COL24A1: variants seen among roughly 807,000 people sequenced by gnomAD.
COL24A1 encodes collagen alpha-1(XXIV) chain.
Under a neutral mutation model 253.9 loss-of-function variants are expected in COL24A1, and 224 were observed. The observed-to-expected ratio is 0.88, with a 90% CI of 0.79 to 0.99. The LOEUF is 0.99. COL24A1 is among the 50% of genes least tolerant of loss of function. The pLI, the probability that COL24A1 is intolerant of heterozygous loss-of-function variation, is 0.00. For missense variants in COL24A1, 2,131 were observed against 2,068.5 expected, an observed-to-expected ratio of 1.03 and a Z score of -0.59; for synonymous variants, 685 against 673.7, an observed-to-expected ratio of 1.02 and a Z score of -0.26.
chr1:86,052,949 A>G (rs1245609989), intron 10 of COL24A1, among the ~76,000 whole-genome samples: 1 of 152,026 alleles, frequency 6.6e-6, no homozygotes, highest in Non-Finnish European at 1.5e-5. Context: ...CTTATGTTCC[A>G]CAGATTGTAT....
At chr1:85,913,821 G>C (rs1033026443) in intron 24 of COL24A1, among the ~76,000 whole-genome samples, 9 of 152,202 alleles carry the variant, frequency 5.9e-5, no homozygotes, top group African/African-American at 2.2e-4. Context: ...CTACTTACTA[G>C]TGACCCAAAT....
Position 85,784,184 on chromosome 1 carries a change from A to G in COL24A1, c.4168-18T>C, listed in dbSNP as rs1553175169. The G allele has an allele frequency of 4.3e-6, 7 of 1,613,260 alleles. No individual in the cohort carries two copies. The highest frequency in any genetic ancestry group is 1.1e-5 in the South Asian group (1 of 91,024). On this transcript the variant is annotated intron_variant, in intron 49 of 59. Coordinates refer to ENST00000370571, the MANE Select transcript of COL24A1 (RefSeq NM_152890.7). ...TATTCTCCCTGCAAAGTGAATTGAC[A>G]TGATAATAATTATTGTACAATGGCA...
intron 45 of COL24A1, among the ~76,000 whole-genome samples, chr1:85,823,252 C>T (rs1316218547): frequency 1.3e-5 from 2 of 151,984 alleles, no homozygotes; most frequent in Non-Finnish European, 2.9e-5. Context: ...TGTTTGAAAC[C>T]TCAAGAACAT....
intron 7 of COL24A1, among the ~76,000 whole-genome samples, chr1:86,088,304 G>A (rs1703223902): frequency 1.3e-5 from 2 of 152,104 alleles, no homozygotes; most frequent in Non-Finnish European, 2.9e-5. Context: ...AATAGGAAAG[G>A]AATATGGAAC....
At chr1:85,794,806 C>T (rs1229469983) in intron 47 of COL24A1, among the ~76,000 whole-genome samples, 1 of 152,032 alleles carries the variant, frequency 6.6e-6, no homozygotes, top group Non-Finnish European at 1.5e-5. Flanking sequence ...TGCCAAAAAT[C>T]AATGAACAGC....
At chr1:86,015,883 C>CTTTTTTTT (rs34005326) in intron 19 of COL24A1, among the ~76,000 whole-genome samples, 1 of 136,202 alleles carries the variant, frequency 7.3e-6, no homozygotes, top group South Asian at 2.4e-4. Context: ...TCTACTTTTT[C>CTTTTTTTT]TTTTTTTTTT....
At chr1:85,868,030 C>T (rs1679990933) in intron 37 of COL24A1, among the ~76,000 whole-genome samples, 1 of 152,124 alleles carries the variant, frequency 6.6e-6, no homozygotes, top group African/African-American at 2.4e-5. Context: ...CAGGCCTGGC[C>T]ATTACTCTTA....
intron 53 of COL24A1, among the ~76,000 whole-genome samples, chr1:85,768,372 A>G (rs557169447): frequency 6.6e-6 from 1 of 152,272 alleles, no homozygotes; most frequent in African/African-American, 2.4e-5. Flanking sequence ...TTCTTTAATA[A>G]TATCACTCTA....
At chr1:85,861,208 T>C (rs1374953893) in intron 37 of COL24A1, among the ~76,000 whole-genome samples, 1 of 152,214 alleles carries the variant, frequency 6.6e-6, no homozygotes, top group Non-Finnish European at 1.5e-5. Context: ...GGTTTTGATT[T>C]GCATTTTCCT....
chr1:85,872,683 T>C (rs1268225156), intron 35 of COL24A1, among the ~76,000 whole-genome samples: 1 of 152,090 alleles, frequency 6.6e-6, no homozygotes, highest in Non-Finnish European at 1.5e-5. Context: ...ATACAAAAAT[T>C]AATTCAAGAT....
chr1:85,870,924 A>C (rs1003770957), intron 35 of COL24A1, among the ~76,000 whole-genome samples: 5 of 152,188 alleles, frequency 3.3e-5, no homozygotes, highest in African/African-American at 1.2e-4. Flanking sequence ...TGTTTTGAAA[A>C]GATCAACAAA....
chr1:85,784,765 C>G (rs756229245), intron 48 of COL24A1, among the ~76,000 whole-genome samples: 1 of 152,014 alleles, frequency 6.6e-6, no homozygotes, highest in Non-Finnish European at 1.5e-5. Flanking sequence ...GGGTCTTGCT[C>G]TGTTGCCCAG....
intron 8 of COL24A1, among the ~76,000 whole-genome samples, chr1:86,059,964 T>C (rs540445551): frequency 2.0e-5 from 3 of 152,110 alleles, no homozygotes; most frequent in Non-Finnish European, 4.4e-5. Flanking sequence ...GCCTCCAGAA[T>C]TGCGAGAAAT....
intron 39 of COL24A1, 144 bp downstream of exon 39, chr1:85,847,521 C>T (rs1042370875): frequency 1.4e-5 from 8 of 565,444 alleles, no homozygotes; most frequent in Non-Finnish European, 2.5e-5. Context: ...GCTTACAATT[C>T]TCCACATCCC....
At chr1:85,990,261 C>A (rs1380876007) in intron 19 of COL24A1, among the ~76,000 whole-genome samples, 2 of 152,204 alleles carry the variant, frequency 1.3e-5, no homozygotes, top group African/African-American at 4.8e-5. Flanking sequence ...TGTCCATCCT[C>A]CAGATAAGCC....
chr1:86,125,764 A>G lies in COL24A1; in HGVS notation c.572T>C (p.Ile191Thr). The G allele has an allele frequency of 6.2e-7, 1 of 1,612,298 alleles. No individual in the cohort carries two copies. The highest frequency in any genetic ancestry group is 8.5e-7 in the Non-Finnish European group (1 of 1,179,362). The change falls in exon 3 of 60, where the codon ATT (isoleucine) becomes ACT (threonine). Residue 191 changes from isoleucine (I) to threonine (T), a missense_variant. Coordinates refer to ENST00000370571, the MANE Select transcript of COL24A1 (RefSeq NM_152890.7). ...AGAATCAAAGGTCTGAACTTCTGGA[A>G]TAGTCTCTGTGCTAAAATATTTCTT... ...CGKKYFSTET[I>T]PEVQTFDSNS...
chr1:85,821,741 T>C (rs1247600944), intron 45 of COL24A1, among the ~76,000 whole-genome samples: 1 of 152,204 alleles, frequency 6.6e-6, no homozygotes, highest in Non-Finnish European at 1.5e-5. Context: ...TAGCACCTTT[T>C]AGCTCCAACA....
chr1:85,734,451 C>G (rs756822349), intron 59 of COL24A1, among the ~76,000 whole-genome samples: 1 of 152,084 alleles, frequency 6.6e-6, no homozygotes, highest in Non-Finnish European at 1.5e-5. Context: ...GTCTATCTAT[C>G]CATCCATCCA....
chr1:86,139,445 A>G (rs1650763224), intron 2 of COL24A1, among the ~76,000 whole-genome samples: 1 of 152,210 alleles, frequency 6.6e-6, no homozygotes, highest in African/African-American at 2.4e-5. Flanking sequence ...GTCAATATTC[A>G]GCGATAGTCT....
Sources: allele counts gnomAD v4.1 joint callset (sites outside exome capture counted in the v4.1 genomes callset), GRCh38; gene constraint gnomAD v4.1.1; transcripts MANE v1.5; gene names NCBI Gene and HGNC (gene_info 2026-07-23, HGNC 2026-07-21).